Variants in THSD4 observed in about 807,000 individuals in gnomAD.
THSD4 encodes the protein thrombospondin type 1 domain containing 4, also known as thrombospondin type-1 domain-containing protein 4.
In THSD4, 69 loss-of-function variants were observed where a neutral mutation model predicts 119.0. That is an observed-to-expected ratio of 0.58 (90% CI 0.48 to 0.71). THSD4 has a LOEUF of 0.71. THSD4 is among the 30% of genes least tolerant of loss of function. The probability of loss-of-function intolerance (pLI) is 0.00; values close to 1 mark genes in which losing one functional copy is unlikely to be tolerated. For synonymous variants in THSD4, 524 were observed against 540.4 expected (o/e 0.97, Z 0.42); for missense variants, 1,393 against 1,391.1 (o/e 1.00, Z -0.02).
intron 6 of THSD4, among the ~76,000 whole-genome samples, chr15:71,369,546 G>T (rs1284624211): frequency 6.6e-6 from 1 of 152,226 alleles, no homozygotes; most frequent in African/African-American, 2.4e-5. Flanking sequence ...TAATCATGTG[G>T]TTTTTGTCGT....
chr15:71,339,055 G>T (rs976431134), intron 6 of THSD4, among the ~76,000 whole-genome samples: 6 of 152,070 alleles, frequency 3.9e-5, no homozygotes, highest in African/African-American at 1.2e-4. Context: ...CCATCTCTGC[G>T]GCCTCGCCTC....
intron 7 of THSD4, among the ~76,000 whole-genome samples, chr15:71,548,536 C>CA (rs2140853610): frequency 6.6e-6 from 1 of 152,328 alleles, no homozygotes; most frequent in South Asian, 2.1e-4. Flanking sequence ...CTGTTCAAAA[C>CA]AGACATGCAG....
At chr15:71,633,089 CA>C (rs933798820) in intron 7 of THSD4, among the ~76,000 whole-genome samples, 2 of 152,100 alleles carry the variant, frequency 1.3e-5, no homozygotes, top group African/African-American at 4.8e-5. Flanking sequence ...GGCATTTAGG[CA>C]AGGCAAAGTT....
chr15:71,404,851 CTTTT>C (rs2046582929), intron 6 of THSD4, among the ~76,000 whole-genome samples: 1 of 140,874 alleles, frequency 7.1e-6, no homozygotes, highest in Non-Finnish European at 1.5e-5. Flanking sequence ...CTCTTTCTTT[CTTTT>C]CTTTCTTTTC....
chr15:71,400,913 G>T (rs2046522956), intron 6 of THSD4, among the ~76,000 whole-genome samples: 1 of 152,058 alleles, frequency 6.6e-6, no homozygotes, highest in South Asian at 2.1e-4. Context: ...AGTTTGAATG[G>T]ATCTGCAACT....
At position 71,474,009 on chromosome 15, in the gene THSD4, C is replaced by T. The variant is rs139491750; in HGVS notation, c.1152+62186C>T. 9.5e-4 allele frequency among the ~76,000 whole-genome samples: 144 copies of T among 152,298 alleles called. 3 individuals are homozygous for T. The East Asian group carries it at 0.022, about 23-fold the overall frequency. On this transcript the variant is annotated intron_variant, in intron 7 of 17. Coordinates refer to ENST00000261862, the MANE Select transcript of THSD4 (RefSeq NM_024817.3). ...GGGCAGTCTCTTGATACTGACTCCT[C>T]ATGTGGATCGCAGGTCAGGTATACC...
chr15:71,207,867 CAA>C (rs919511998), intron 3 of THSD4, among the ~76,000 whole-genome samples: 1 of 152,104 alleles, frequency 6.6e-6, no homozygotes, highest in African/African-American at 2.4e-5. Context: ...TTCCTGGTGC[CAA>C]AAAGGTTGGG....
chr15:71,653,739 A>G (rs1195449470), intron 7 of THSD4, among the ~76,000 whole-genome samples: 1 of 152,102 alleles, frequency 6.6e-6, no homozygotes, highest in Non-Finnish European at 1.5e-5. Context: ...TCCACATGAG[A>G]TTTTATTTTT....
At chr15:71,540,881 C>T (rs2048750771) in intron 7 of THSD4, among the ~76,000 whole-genome samples, 2 of 151,974 alleles carry the variant, frequency 1.3e-5, no homozygotes, top group African/African-American at 4.8e-5. Flanking sequence ...TGCCACCACA[C>T]TCAGCTAATG....
rs924635759 is a variant in THSD4 at position 71,619,362 on chromosome 15, G to C, written c.1153-41168G>C. Among the ~76,000 whole-genome samples the C allele has an allele frequency of 2.8e-4, 42 of 152,270 alleles. 1 individual carries two copies. Among genetic ancestry groups the C allele is most frequent in the Admixed American group, 2.5e-3 (38 of 15,294 alleles). On this transcript the variant is annotated intron_variant, in intron 7 of 17. Transcript: ENST00000261862. ...CAGGATTTAAATTAAAAAGATGAAA[G>C]CATTGTCAAACACCCAGAAAGGTTT...
intron 7 of THSD4, among the ~76,000 whole-genome samples, chr15:71,469,960 G>T (rs1049025659): frequency 6.6e-6 from 1 of 152,176 alleles, no homozygotes; most frequent in Non-Finnish European, 1.5e-5. Context: ...TGAGCACAGA[G>T]GAGATGTCCA....
At chr15:71,449,899 G>A (rs971632501) in intron 7 of THSD4, among the ~76,000 whole-genome samples, 1 of 152,164 alleles carries the variant, frequency 6.6e-6, no homozygotes, top group Non-Finnish European at 1.5e-5. Flanking sequence ...ACAAATTCAT[G>A]ATAGAATTTG....
intron 17 of THSD4, among the ~76,000 whole-genome samples, chr15:71,772,429 A>G (rs1057056108): frequency 7.2e-5 from 11 of 152,360 alleles, no homozygotes; most frequent in African/African-American, 2.2e-4. Context: ...CTATATAGAA[A>G]AAATAAATAA....
intron 7 of THSD4, among the ~76,000 whole-genome samples, chr15:71,612,762 T>C (rs1443689024): frequency 6.6e-6 from 1 of 152,210 alleles, no homozygotes. Flanking sequence ...AGTCAATGCA[T>C]TGATATGGCT....
intron 4 of THSD4, among the ~76,000 whole-genome samples, chr15:71,222,552 A>G (rs1025094555): frequency 6.6e-6 from 1 of 152,314 alleles, no homozygotes; most frequent in East Asian, 1.9e-4. Flanking sequence ...GAAAGCCTCA[A>G]CTATGAAAAT....
At chr15:71,528,409 C>T (rs530393620) in intron 7 of THSD4, among the ~76,000 whole-genome samples, 6 of 152,218 alleles carry the variant, frequency 3.9e-5, no homozygotes, top group South Asian at 2.1e-4. Flanking sequence ...CCCTCAGCTC[C>T]GTGGGAAGCA....
chr15:71,402,390 C>T (rs1566970492), intron 6 of THSD4, among the ~76,000 whole-genome samples: 1 of 152,294 alleles, frequency 6.6e-6, no homozygotes, highest in South Asian at 2.1e-4. Flanking sequence ...TGTACATGCA[C>T]TTCACACTGG....
chr15:71,340,492 C>T (rs541203281), intron 6 of THSD4, among the ~76,000 whole-genome samples: 22 of 152,108 alleles, frequency 1.4e-4, no homozygotes, highest in South Asian at 2.1e-4. Context: ...ACCCATTTTC[C>T]GCTGTGCTGG....
chr15:71,227,669 G>A (rs143407545), intron 4 of THSD4, among the ~76,000 whole-genome samples: 27 of 152,320 alleles, frequency 1.8e-4, no homozygotes, highest in African/African-American at 6.0e-4. Context: ...GAAGTCCCCA[G>A]CATCCTGCTC....
Sources: gnomAD v4.1 joint callset for allele counts (sites outside exome capture counted in the v4.1 genomes callset) on GRCh38, gnomAD v4.1.1 for gene constraint, MANE v1.5 for transcripts, NCBI Gene and HGNC (gene_info 2026-07-23, HGNC 2026-07-21) for gene names.